The following GARNL3 variants were observed in gnomAD, a reference collection of about 807,000 sequenced individuals.
GARNL3 encodes the protein GTPase activating Rap/RanGAP domain like 3, also known as GTPase-activating Rap/Ran-GAP domain-like protein 3.
A neutral mutation model predicts 125.0 loss-of-function variants in GARNL3; 63 were observed. That is an observed-to-expected ratio of 0.50 (90% CI 0.41 to 0.62). The LOEUF (loss-of-function observed/expected upper bound fraction) is 0.62, where lower values mean the gene tolerates loss of function less well. Among genes scored for constraint, GARNL3 ranks in the 20% least tolerant of loss-of-function variants. The pLI is 0.00. For synonymous variants in GARNL3, 439 were observed against 457.5 expected, an observed-to-expected ratio of 0.96 and a Z score of 0.52; for missense variants, 994 against 1,244.0, an observed-to-expected ratio of 0.80 and a Z score of 3.02.
intron 1 of GARNL3, among the ~76,000 whole-genome samples, chr9:127,268,238 T>C (rs1026327518): frequency 1.3e-5 from 2 of 152,192 alleles, no homozygotes; most frequent in Non-Finnish European, 2.9e-5. Context: ...CTCAGCTGTT[T>C]CCCTGCCTTA....
chr9:127,267,334 G>A (rs2063726533), intron 1 of GARNL3, among the ~76,000 whole-genome samples: 1 of 152,062 alleles, frequency 6.6e-6, no homozygotes, highest in Non-Finnish European at 1.5e-5. Context: ...TCATCTCCTT[G>A]TGGTACCTTC....
intron 1 of GARNL3, among the ~76,000 whole-genome samples, chr9:127,231,048 A>ATTTTT (rs1437296463): frequency 2.1e-4 from 9 of 43,682 alleles, no homozygotes; most frequent in African/African-American, 9.9e-4. Flanking sequence ...ATATATATAT[A>ATTTTT]TATTTTTTTT....
upstream of GARNL3, chr9:127,264,083 C>T (rs750480883): frequency 1.1e-6 from 1 of 880,452 alleles, no homozygotes; most frequent in Non-Finnish European, 1.7e-6. Flanking sequence ...ATTTTATTTT[C>T]TATGTTATCG....
At chr9:127,371,410 C>G (rs1342183687) in intron 22 of GARNL3, among the ~76,000 whole-genome samples, 1 of 152,166 alleles carries the variant, frequency 6.6e-6, no homozygotes, top group African/African-American at 2.4e-5. Context: ...CCAGAGATTC[C>G]TGGAGACAGG....
chr9:127,383,308 A>G, intron 22 of GARNL3, 130 bp from the exon 23 acceptor site: 1 of 571,424 alleles, frequency 1.8e-6, no homozygotes, highest in African/African-American at 1.9e-5. Flanking sequence ...TCATGGCGGT[A>G]TTCATACTGG....
At chr9:127,324,559 C>T (rs1414815004) in intron 6 of GARNL3, among the ~76,000 whole-genome samples, 4 of 152,208 alleles carry the variant, frequency 2.6e-5, no homozygotes, top group African/African-American at 7.2e-5. Context: ...TTGGTGTCCG[C>T]TTATCAACCA....
At chr9:127,365,184 C>T in intron 21 of GARNL3, 116 bp from the exon 22 acceptor site, 1 of 812,422 alleles carries the variant, frequency 1.2e-6, no homozygotes, top group Non-Finnish European at 2.2e-6. Flanking sequence ...AGACATGACC[C>T]TATGGCACCT....
intron 17 of GARNL3, among the ~76,000 whole-genome samples, chr9:127,352,471 G>A (rs1188409510): frequency 3.9e-5 from 6 of 152,176 alleles, no homozygotes; most frequent in East Asian, 3.8e-4. Context: ...GAGGATGATC[G>A]TCCAGTGTTT....
intron 2 of GARNL3, among the ~76,000 whole-genome samples, chr9:127,301,603 A>T (rs2812280): frequency 0.81 from 123,884 of 152,138 alleles, 51,077 homozygotes; most frequent in African/African-American, 0.94. Context: ...TATCTAAGTG[A>T]AGGATCTTGC....
intron 6 of GARNL3, among the ~76,000 whole-genome samples, chr9:127,324,708 A>C (rs907958588): frequency 5.3e-5 from 8 of 152,240 alleles, no homozygotes; most frequent in Non-Finnish European, 7.3e-5. Context: ...GGTCTTCCAC[A>C]CACGCTGACA....
chr9:127,333,923 G>A (rs1053508874), intron 9 of GARNL3, among the ~76,000 whole-genome samples: 3 of 152,184 alleles, frequency 2.0e-5, no homozygotes, highest in African/African-American at 7.2e-5. Context: ...GACAGGGGAG[G>A]CAGAGGAGAA....
chr9:127,332,053 C>A (rs1205863116), intron 7 of GARNL3, among the ~76,000 whole-genome samples: 1 of 151,986 alleles, frequency 6.6e-6, no homozygotes, highest in Non-Finnish European at 1.5e-5. Context: ...TGAACGAATT[C>A]ATAAAAGCAT....
At position 127,279,937 on chromosome 9, in the gene GARNL3, A is replaced by G. The variant is rs1378347286; in HGVS notation, c.145-11231A>G. The stretch of plus-strand genomic sequence containing the variant: ...ATACAAAGCTCCTTGATCAATTTCC[A>G]GGGTCTAGTTGGTGTTTATCTTATA... On this transcript the variant is annotated intron_variant, in intron 1 of 27. Coordinates refer to ENST00000373387, the MANE Select transcript of GARNL3 (RefSeq NM_032293.5). 6.6e-5 allele frequency among the ~76,000 whole-genome samples: 10 copies of G among 152,240 alleles called. No individual in the cohort carries two copies. In the South Asian group the frequency reaches 1.0e-3, roughly 16 times the overall value.
intron 2 of GARNL3, among the ~76,000 whole-genome samples, chr9:127,296,533 G>A (rs1178583087): frequency 6.9e-6 from 1 of 145,174 alleles, no homozygotes; most frequent in Non-Finnish European, 1.5e-5. Flanking sequence ...GTGCAATGGC[G>A]CGATCTTGGC....
At chr9:127,335,945 A>G (rs1284664204) in intron 10 of GARNL3, among the ~76,000 whole-genome samples, 183 bp from the exon 11 acceptor site, 1 of 152,122 alleles carries the variant, frequency 6.6e-6, no homozygotes, top group Non-Finnish European at 1.5e-5. Context: ...GGAGCAGAGG[A>G]GATGGGTTGG....
intron 1 of GARNL3, among the ~76,000 whole-genome samples, chr9:127,273,109 C>T (rs897127863): frequency 1.3e-5 from 2 of 152,032 alleles, no homozygotes; most frequent in Non-Finnish European, 2.9e-5. Flanking sequence ...ATGAGGTAGG[C>T]ATTATTTGAT....
chr9:127,345,257 A>G (rs1041889073), intron 15 of GARNL3, 146 bp from the exon 16 acceptor site: 10 of 494,276 alleles, frequency 2.0e-5, no homozygotes, highest in Non-Finnish European at 3.6e-5. Context: ...GCTAACTTCA[A>G]TTCTTGATTA....
intron 21 of GARNL3, chr9:127,362,986 C>A (rs1831092836): frequency 6.6e-6 from 1 of 152,260 alleles, no homozygotes; most frequent in South Asian, 2.1e-4. Flanking sequence ...ATTTCATTTA[C>A]TCACTTGCCC....
chr9:127,289,622 C>T (rs1198047025), intron 1 of GARNL3, among the ~76,000 whole-genome samples: 1 of 152,224 alleles, frequency 6.6e-6, no homozygotes, highest in East Asian at 1.9e-4. Context: ...TGACCTGAGC[C>T]TTCACCCCTC....
Sources: allele counts gnomAD v4.1 joint callset (sites outside exome capture counted in the v4.1 genomes callset), GRCh38; gene constraint gnomAD v4.1.1; transcripts MANE v1.5; gene names NCBI Gene and HGNC (gene_info 2026-07-23, HGNC 2026-07-21).